DNAH14: variants seen among roughly 807,000 people sequenced by gnomAD.
The protein encoded by DNAH14 is axonemal beta dynein heavy chain 14.
DNAH14 carries 478 observed loss-of-function variants against 520.9 expected under a neutral mutation model. The observed-to-expected ratio is 0.92, with a 90% CI of 0.85 to 0.99. The LOEUF (loss-of-function observed/expected upper bound fraction) is 0.99. Among genes scored for constraint, DNAH14 ranks in the 50% least tolerant of loss-of-function variants. The pLI is 0.00. For missense variants in DNAH14, 4,831 were observed against 5,234.5 expected (o/e 0.92, Z 2.38); for synonymous variants, 1,581 against 1,757.2 (o/e 0.90, Z 2.51).
At chr1:225,054,399 A>G (rs1049174950) in intron 17 of DNAH14, among the ~76,000 whole-genome samples, 3 of 152,158 alleles carry the variant, frequency 2.0e-5, no homozygotes, top group African/African-American at 7.2e-5. Flanking sequence ...GTATTGATGT[A>G]TATTTTATCC....
chr1:225,358,001 G>C, intron 73 of DNAH14: 1 of 551,718 alleles, frequency 1.8e-6, no homozygotes, highest in Non-Finnish European at 3.2e-6. Context: ...AGTCCATCTA[G>C]CATTCTTTTC....
chr1:225,229,770 G>A (rs932886601), intron 41 of DNAH14, among the ~76,000 whole-genome samples: 1 of 151,980 alleles, frequency 6.6e-6, no homozygotes, highest in Admixed American at 6.6e-5. Flanking sequence ...CCTGTCAGGG[G>A]TGGGGGTCAA....
chr1:224,958,288 T>C (rs1227424559), intron 3 of DNAH14, among the ~76,000 whole-genome samples: 1 of 152,014 alleles, frequency 6.6e-6, no homozygotes, highest in South Asian at 2.1e-4. Flanking sequence ...GACAATAGGA[T>C]TTTTGGTTTG....
intron 36 of DNAH14, among the ~76,000 whole-genome samples, chr1:225,172,317 C>A (rs1013272575): frequency 3.3e-5 from 5 of 152,172 alleles, no homozygotes; most frequent in African/African-American, 1.2e-4. Flanking sequence ...AAGAGGAAGT[C>A]AAATTGTCCC....
intron 44 of DNAH14, among the ~76,000 whole-genome samples, chr1:225,253,303 C>T (rs1292992679): frequency 1.3e-5 from 2 of 152,122 alleles, no homozygotes; most frequent in East Asian, 3.8e-4. Context: ...AACTGAATAT[C>T]ATTTGCATGT....
chr1:225,288,110 C>T (rs972645724), intron 54 of DNAH14, among the ~76,000 whole-genome samples: 1 of 151,990 alleles, frequency 6.6e-6, no homozygotes, highest in African/African-American at 2.4e-5. Context: ...CACATAGTGA[C>T]GTTCTCCCAA....
intron 8 of DNAH14, among the ~76,000 whole-genome samples, chr1:225,000,566 C>CTT (rs199640733): frequency 1.7e-4 from 22 of 133,330 alleles, no homozygotes; most frequent in Middle Eastern, 4.2e-3. Context: ...AAGGTTTGTT[C>CTT]TTTTTTTTTT....
chr1:225,064,557 T>G (rs2070604188), intron 17 of DNAH14, among the ~76,000 whole-genome samples: 1 of 144,548 alleles, frequency 6.9e-6, no homozygotes, highest in African/African-American at 2.5e-5. Context: ...TTTGATATAT[T>G]CATGTATTAG....
intron 60 of DNAH14, among the ~76,000 whole-genome samples, chr1:225,318,186 G>T (rs1014449382): frequency 6.6e-6 from 1 of 152,188 alleles, no homozygotes; most frequent in Non-Finnish European, 1.5e-5. Context: ...AAACATAATG[G>T]CAGGGCTGCT....
chr1:224,952,881 T>C, intron 2 of DNAH14, 102 bp downstream of exon 2: 2 of 741,026 alleles, frequency 2.7e-6, no homozygotes, highest in South Asian at 4.7e-5. Flanking sequence ...TTAAAATATC[T>C]TATCAGAATT....
chr1:225,005,357 A>G (rs376245667), intron 9 of DNAH14, among the ~76,000 whole-genome samples: 3 of 152,198 alleles, frequency 2.0e-5, no homozygotes, highest in Non-Finnish European at 2.9e-5. Flanking sequence ...TTTGAGAACT[A>G]CTTTTAAAGA....
intron 11 of DNAH14, among the ~76,000 whole-genome samples, chr1:225,032,769 C>A (rs2066628840): frequency 6.6e-6 from 1 of 152,074 alleles, no homozygotes; most frequent in Non-Finnish European, 1.5e-5. Context: ...TTAATAATAA[C>A]CATTCTGACT....
chr1:224,969,597 G>T, intron 7 of DNAH14: 1 of 240,696 alleles, frequency 4.2e-6, no homozygotes, highest in Non-Finnish European at 7.8e-6. Flanking sequence ...GTAGGCTGAG[G>T]AGGTGGAGGA....
intron 43 of DNAH14, among the ~76,000 whole-genome samples, chr1:225,244,155 T>C (rs1166893436): frequency 1.3e-5 from 2 of 152,120 alleles, no homozygotes; most frequent in South Asian, 2.1e-4. Flanking sequence ...CGTTTATTGA[T>C]TATTGATTTG....
rs2095484061 is a variant in DNAH14, at chr1:225,360,774, C to T, written c.11870C>T (p.Ala3957Val). 2 of 1,551,716 alleles carry T rather than the reference C, an allele frequency of 1.3e-6. No homozygotes were observed. Among genetic ancestry groups the T allele is most frequent in the Admixed American group, 3.9e-5 (2 of 51,012 alleles). ...ATAATTTCTCTGGGCCGTGACCAAG[C>T]AGCTAAAGCTGAAGACCTCATTTTA... ...VTIISLGRDQAAKAEDLILKA... is the reference protein window; with the variant it reads ...VTIISLGRDQVAKAEDLILKA... The change falls in exon 75 of 86, where the codon GCA (alanine) becomes GTA (valine). Residue 3957 changes from alanine (A) to valine (V), a missense_variant. Physicochemically the swap from Ala to Val is moderately conservative, Grantham distance 64 (BLOSUM62 0). Coordinates refer to ENST00000682510, the MANE Select transcript of DNAH14 (RefSeq NM_001367479.1).
chr1:224,967,927 T>G, intron 6 of DNAH14: 1 of 1,197,036 alleles, frequency 8.4e-7, no homozygotes, highest in Non-Finnish European at 1.0e-6. Flanking sequence ...TATTGGCACA[T>G]TTGTCAGAAA....
chr1:225,398,998 C>T (rs2096063081), intron 85 of DNAH14, 56 bp from the exon 86 acceptor site: 4 of 1,266,112 alleles, frequency 3.2e-6, no homozygotes, highest in Non-Finnish European at 4.4e-6. Flanking sequence ...AAAATGTGAG[C>T]TACTGATTCA....
At chr1:225,354,045 T>A (rs1312112411) in intron 73 of DNAH14, 157 bp downstream of exon 73, 2 of 674,044 alleles carry the variant, frequency 3.0e-6, no homozygotes, top group Non-Finnish European at 5.5e-6. Flanking sequence ...CGCCTCCCCT[T>A]AATGCTTCTT....
rs1283405436 is a variant in DNAH14 at position 225,398,486 on chromosome 1, G to A, written c.13492-34G>A. The stretch of plus-strand genomic sequence containing the variant: ...CCTCCAGTTGGTCGCTGCTTCTCCT[G>A]GGGATCCCTGACACCACCTCTCTTC... On this transcript the variant is annotated intron_variant, in intron 84 of 85. Coordinates refer to ENST00000682510, the MANE Select transcript of DNAH14 (RefSeq NM_001367479.1). The A allele has an allele frequency of 1.4e-5, 22 of 1,547,854 alleles. No individual in the cohort carries two copies. In the Admixed American group the frequency reaches 3.7e-4, roughly 26 times the overall value.
Sources: allele counts gnomAD v4.1 joint callset (sites outside exome capture counted in the v4.1 genomes callset), GRCh38; gene constraint gnomAD v4.1.1; transcripts MANE v1.5; gene names NCBI Gene and HGNC (gene_info 2026-07-23, HGNC 2026-07-21).